Variants in ITIH2 observed in about 807,000 individuals in gnomAD.
ITIH2 encodes the protein inter-alpha-trypsin inhibitor heavy chain 2.
In ITIH2, 103 loss-of-function variants were observed where a neutral mutation model predicts 104.4. That is an observed-to-expected ratio of 0.99 (90% CI 0.84 to 1.16). ITIH2 has a LOEUF of 1.16. Ranked by LOEUF, ITIH2 falls within the 50% of genes most tolerant of loss-of-function variation. The pLI, the probability that ITIH2 is intolerant of heterozygous loss-of-function variation, is 0.00. For synonymous variants in ITIH2, 436 were observed against 435.4 expected (o/e 1.00, Z -0.02); for missense variants, 1,108 against 1,162.4 (o/e 0.95, Z 0.68).
At chr10:7,738,861 G>A (rs1042287738) in intron 16 of ITIH2, 103 bp downstream of exon 16, 5 of 1,213,412 alleles carry the variant, frequency 4.1e-6, no homozygotes, top group Middle Eastern at 2.0e-4. Flanking sequence ...GCCTGTAATC[G>A]CAGCACTTTG....
chr10:7,709,570 A>C (rs935913162), intron 4 of ITIH2, among the ~76,000 whole-genome samples: 1 of 152,064 alleles, frequency 6.6e-6, no homozygotes, highest in Non-Finnish European at 1.5e-5. Context: ...TGGGAAAAAA[A>C]AAACAAGTTG....
At chr10:7,730,598 T>A (rs898151360) in intron 12 of ITIH2, among the ~76,000 whole-genome samples, 23 of 152,148 alleles carry the variant, frequency 1.5e-4, no homozygotes, top group African/African-American at 5.3e-4. Flanking sequence ...GGTGGGAGGA[T>A]CACTCGAGCC....
At chr10:7,710,243 A>G (rs981774841) in intron 4 of ITIH2, among the ~76,000 whole-genome samples, 3 of 152,192 alleles carry the variant, frequency 2.0e-5, no homozygotes, top group Non-Finnish European at 4.4e-5. Context: ...TAGCTCAGTG[A>G]TGGTTTCATG....
chr10:7,719,151 C>T (rs1421223932), intron 6 of ITIH2, among the ~76,000 whole-genome samples: 1 of 152,166 alleles, frequency 6.6e-6, no homozygotes, highest in Non-Finnish European at 1.5e-5. Context: ...GAATTAATCA[C>T]GATGAAACTT....
intron 8 of ITIH2, 37 bp downstream of exon 8, chr10:7,721,814 C>G: frequency 1.2e-6 from 2 of 1,608,580 alleles, no homozygotes; most frequent in Non-Finnish European, 1.7e-6. Context: ...CTGCCAAGCT[C>G]GTGCCAAAGA....
In ITIH2 at chr10:7,746,067, TTAAAA is replaced by T. The variant is rs1239380255; in HGVS notation, c.2582-525_2582-521del. Among the ~76,000 whole-genome samples the T allele has an allele frequency of 2.8e-3, 144 of 51,104 alleles. 2 individuals are homozygous for T. The highest frequency in any genetic ancestry group is 7.1e-3 in the African/African-American group (78 of 10,984). 33.5% of individuals were successfully genotyped at this position (51,104 alleles called of 152,430 possible). On this transcript the variant is annotated intron_variant, in intron 19 of 20. Coordinates refer to ENST00000358415, the MANE Select transcript of ITIH2 (RefSeq NM_002216.3). The stretch of plus-strand genomic sequence containing the variant: ...CCACACCCGGCCCCAAATCTTAAAT[TTAAAA>T]AAAAAAAAAAAAAAAAAAAAAAAAA...
At chr10:7,738,870 T>C (rs1835098580) in intron 16 of ITIH2, 112 bp downstream of exon 16, 3 of 1,085,108 alleles carry the variant, frequency 2.8e-6, no homozygotes, top group East Asian at 5.7e-5. Context: ...CGCAGCACTT[T>C]GGGAGGCCAA....
Position 7,720,930 on chromosome 10 carries a change from TG to T in ITIH2, c.707del (p.Gly236ValfsTer20). 1 of 1,613,618 alleles carries T rather than the reference TG, an allele frequency of 6.2e-7. No homozygotes were observed. The highest frequency in any genetic ancestry group is 8.5e-7 in the Non-Finnish European group (1 of 1,179,532). On this transcript the variant is annotated frameshift_variant, in exon 7 of 21. Transcript: ENST00000358415. LOFTEE classifies it high-confidence loss of function. ...VPDTFEGHFD[G>X]VPVISKGQQK... is the part of the protein sequence containing the mutation. ...CCGACACATTTGAAGGCCATTTCGA[TG>T]GTGTTCCGGTCATTTCTAAAGGACA...
intron 9 of ITIH2, among the ~76,000 whole-genome samples, chr10:7,726,242 TG>T (rs1344498682): frequency 6.6e-6 from 1 of 152,138 alleles, no homozygotes; most frequent in Non-Finnish European, 1.5e-5. Flanking sequence ...TGGATGCACA[TG>T]AGGTTTGTAG....
At chr10:7,745,904 A>G (rs1588462735) in intron 19 of ITIH2, among the ~76,000 whole-genome samples, 1 of 150,706 alleles carries the variant, frequency 6.6e-6, no homozygotes, top group African/African-American at 2.4e-5. Flanking sequence ...ACAGGCATGC[A>G]CCACCACGCC....
rs138310874 is a variant in ITIH2 at position 7,710,170 on chromosome 10, C to T, written c.362+979C>T. Among the ~76,000 whole-genome samples the T allele has an allele frequency of 1.9e-3, 294 of 152,278 alleles. 2 individuals are homozygous for T. Among genetic ancestry groups the T allele is most frequent in the African/African-American group, 6.0e-3 (251 of 41,560 alleles). On this transcript the variant is annotated intron_variant, in intron 4 of 20. Coordinates refer to ENST00000358415, the MANE Select transcript of ITIH2 (RefSeq NM_002216.3). Reference sequence around the variant, plus strand: ...CCTGGCCTTGAACTTGGCTTCTTAACAACTAAGGTGGAAAGCATGAGAGTA... The same window carrying T: ...CCTGGCCTTGAACTTGGCTTCTTAATAACTAAGGTGGAAAGCATGAGAGTA...
rs753740092 is a variant in ITIH2, at chr10:7,720,847, C to T, written c.631-9C>T. 5.8e-6 allele frequency: 9 copies of T among 1,541,588 alleles called. No homozygotes were observed. The South Asian group carries it at 1.0e-4, about 17-fold the overall frequency. ...TAATGCTTTGGGTAATTTTCTCTTG[C>T]ATCTCTAGGTAGATGTGTGGGTTAT... On this transcript the variant is annotated splice_polypyrimidine_tract_variant and intron_variant, in intron 6 of 20. Coordinates refer to ENST00000358415, the MANE Select transcript of ITIH2 (RefSeq NM_002216.3).
At chr10:7,734,564 A>G (rs1835034307) in intron 14 of ITIH2, among the ~76,000 whole-genome samples, 1 of 152,148 alleles carries the variant, frequency 6.6e-6, no homozygotes, top group Non-Finnish European at 1.5e-5. Context: ...GTGTGGTGGC[A>G]TGTGCCTGTA....
intron 14 of ITIH2, 133 bp downstream of exon 14, chr10:7,732,610 T>C (rs1329657433): frequency 1.2e-6 from 1 of 853,346 alleles, no homozygotes; most frequent in Non-Finnish European, 1.8e-6. Flanking sequence ...GATTATTACC[T>C]TCCACTAGTT....
At position 7,734,990 on chromosome 10, in the gene ITIH2, A is replaced by AGGAT. The variant is rs1394945644; in HGVS notation, c.1856_1857insGGAT (p.His619GlnfsTer20). 1 of 1,613,922 alleles carries AGGAT rather than the reference A, an allele frequency of 6.2e-7. No individual in the cohort carries two copies. The highest frequency in any genetic ancestry group is 2.2e-5 in the East Asian group (1 of 44,868). On this transcript the variant is annotated frameshift_variant, in exon 15 of 21. Transcript: ENST00000358415. LOFTEE classifies it high-confidence loss of function. ...TCGATCCTGCAGATGTCTCTAGACC[A>AGGAT]CCACATTGTGACTCCGCTGACCTCG... is the stretch of plus-strand genomic sequence containing the variant.
chr10:7,744,665 C>A, intron 18 of ITIH2, 126 bp from the exon 19 acceptor site: 1 of 749,542 alleles, frequency 1.3e-6, no homozygotes, highest in Non-Finnish European at 2.1e-6. Context: ...TAAACTGTTG[C>A]AAGCGCTTAG....
rs567383905 is a variant in ITIH2 at position 7,746,534 on chromosome 10, A to G, written c.2582-59A>G. 4 of 1,150,962 alleles carry G rather than the reference A, an allele frequency of 3.5e-6. No homozygotes were observed. The African/African-American group carries it at 6.1e-5, about 18-fold the overall frequency. 71.3% of individuals were successfully genotyped at this position (1,150,962 alleles called of 1,614,324 possible). On this transcript the variant is annotated intron_variant, in intron 19 of 20. Transcript: ENST00000358415. ...GAAAGGTAGCATGGAGTCAATAATG[A>G]GCCTCTTTTTATTTAACTATGATTA...
At chr10:7,715,738 T>C (rs989938710) in intron 5 of ITIH2, among the ~76,000 whole-genome samples, 1 of 152,206 alleles carries the variant, frequency 6.6e-6, no homozygotes, top group Non-Finnish European at 1.5e-5. Flanking sequence ...TGCTTACTTA[T>C]TTATTTCTTT....
intron 5 of ITIH2, among the ~76,000 whole-genome samples, chr10:7,715,658 T>A (rs1391276609): frequency 6.6e-6 from 1 of 152,188 alleles, no homozygotes; most frequent in Non-Finnish European, 1.5e-5. Flanking sequence ...TCTTCAATTA[T>A]TTGATATCGC....
Sources: gnomAD v4.1 joint callset for allele counts (sites outside exome capture counted in the v4.1 genomes callset) on GRCh38, gnomAD v4.1.1 for gene constraint, MANE v1.5 for transcripts, NCBI Gene and HGNC (gene_info 2026-07-23, HGNC 2026-07-21) for gene names.